Variants in CYP20A1 observed in about 807,000 individuals in gnomAD.
The protein encoded by CYP20A1 is cytochrome P450 family 20 subfamily A member 1.
CYP20A1 carries 61 observed loss-of-function variants against 61.4 expected under a neutral mutation model. The observed-to-expected ratio is 0.99, with a 90% CI of 0.81 to 1.23. CYP20A1 has a LOEUF of 1.23. CYP20A1 is among the 50% of genes most tolerant of loss of function. The pLI is 0.00. For missense variants in CYP20A1, 530 were observed against 542.4 expected (o/e 0.98, Z 0.23); for synonymous variants, 193 against 188.2 (o/e 1.03, Z -0.21).
At chr2:203,285,781 G>T in intron 9 of CYP20A1, 49 bp downstream of exon 9, 1 of 1,459,878 alleles carries the variant, frequency 6.8e-7, no homozygotes, top group Non-Finnish European at 9.0e-7. Flanking sequence ...AATTTGAACT[G>T]GTTTATCTAA....
At chr2:203,293,214 CTCTTTTTT>C (rs909817169) in intron 11 of CYP20A1, among the ~76,000 whole-genome samples, 18 of 128,910 alleles carry the variant, frequency 1.4e-4, no homozygotes, top group Admixed American at 3.3e-4. Flanking sequence ...GAATTTCTCT[CTCTTTTTT>C]TTTTTTTTTT....
intron 9 of CYP20A1, 146 bp from the exon 10 acceptor site, chr2:203,289,619 C>T: frequency 2.8e-6 from 1 of 355,498 alleles, no homozygotes; most frequent in Non-Finnish European, 5.2e-6. Flanking sequence ...TAATATATAA[C>T]ATATCTTTAA....
intron 6 of CYP20A1, among the ~76,000 whole-genome samples, chr2:203,276,370 A>G (rs1182175553): frequency 6.6e-6 from 1 of 152,170 alleles, no homozygotes; most frequent in East Asian, 1.9e-4. Flanking sequence ...GAGTTATGTT[A>G]CAAAAGGATC....
At chr2:203,247,486 C>G (rs1448309827) in intron 3 of CYP20A1, among the ~76,000 whole-genome samples, 3 of 151,504 alleles carry the variant, frequency 2.0e-5, no homozygotes, top group Non-Finnish European at 4.4e-5. Flanking sequence ...TTTTTTGGGA[C>G]CCTGAAAAAA....
chr2:203,262,059 A>G (rs1416226888), intron 4 of CYP20A1, among the ~76,000 whole-genome samples: 2 of 152,146 alleles, frequency 1.3e-5, no homozygotes, highest in Non-Finnish European at 2.9e-5. Context: ...AAAGCTTCAG[A>G]CATCACAGTG....
At chr2:203,278,772 T>A in intron 7 of CYP20A1, 84 bp downstream of exon 7, 2 of 685,688 alleles carry the variant, frequency 2.9e-6, no homozygotes, top group Non-Finnish European at 4.8e-6. Context: ...CCCAGCTACT[T>A]GAGAGGGTGA....
intron 11 of CYP20A1, among the ~76,000 whole-genome samples, chr2:203,295,271 C>T (rs1002956419): frequency 4.0e-5 from 6 of 151,742 alleles, no homozygotes; most frequent in South Asian, 4.2e-4. Flanking sequence ...GATGAGGTCT[C>T]GCTATGTTGC....
At chr2:203,276,377 G>A (rs1488320040) in intron 6 of CYP20A1, among the ~76,000 whole-genome samples, 1 of 152,156 alleles carries the variant, frequency 6.6e-6, no homozygotes, top group East Asian at 1.9e-4. Flanking sequence ...GTTACAAAAG[G>A]ATCACTTTGA....
chr2:203,284,785 G>A (rs1575254715), intron 8 of CYP20A1, among the ~76,000 whole-genome samples: 1 of 105,680 alleles, frequency 9.5e-6, no homozygotes, highest in Admixed American at 1.4e-4. Flanking sequence ...TCACTTGATT[G>A]CCCAGGGTGG....
chr2:203,300,256 A>G lies in CYP20A1; in HGVS notation c.*3348A>G, dbSNP rs1055425819. Reference sequence around the variant, plus strand: ...ATTAGTATGTTTTATCCATAGTTACATGACTAACAAATGATTAAAAAGAAG... The same window carrying G: ...ATTAGTATGTTTTATCCATAGTTACGTGACTAACAAATGATTAAAAAGAAG... On this transcript the variant is annotated 3_prime_UTR_variant, in exon 13 of 13. Coordinates refer to ENST00000356079, the MANE Select transcript of CYP20A1 (RefSeq NM_177538.3). Among the ~76,000 whole-genome samples, 22 of 152,230 alleles carry G rather than the reference A, an allele frequency of 1.4e-4. No individual in the cohort carries two copies. The highest frequency in any genetic ancestry group is 3.1e-4 in the Non-Finnish European group (21 of 68,030).
At chr2:203,292,796 C>G (rs1356375876) in intron 11 of CYP20A1, among the ~76,000 whole-genome samples, 1 of 151,788 alleles carries the variant, frequency 6.6e-6, no homozygotes, top group African/African-American at 2.4e-5. Context: ...TGCTTTTTCT[C>G]TTATGTGAAT....
At position 203,301,193 on chromosome 2, in the gene CYP20A1, T is replaced by TA. The variant is rs1404396480; in HGVS notation, c.*4285_*4286insA. 6.7e-5 allele frequency among the ~76,000 whole-genome samples: 7 copies of TA among 103,976 alleles called. No individual in the cohort carries two copies. The East Asian group carries it at 1.7e-3, about 26-fold the overall frequency. 68.2% of individuals were successfully genotyped at this position (103,976 alleles called of 152,430 possible). A position where few individuals can be genotyped will look rare whatever the true frequency, so the allele number is the denominator to read the frequency against. ...CCTGGGCAAGAAGAGTGAAACTCTA[T>TA]CCAAAAAAAAAAAAAAACCATACGT... On this transcript the variant is annotated 3_prime_UTR_variant, in exon 13 of 13. Coordinates refer to ENST00000356079, the MANE Select transcript of CYP20A1 (RefSeq NM_177538.3).
intron 4 of CYP20A1, among the ~76,000 whole-genome samples, chr2:203,259,284 G>A (rs1158623322): frequency 6.6e-6 from 1 of 152,182 alleles, no homozygotes; most frequent in African/African-American, 2.4e-5. Context: ...ATTAGTCAGT[G>A]ATATAGTTTG....
intron 5 of CYP20A1, among the ~76,000 whole-genome samples, chr2:203,269,367 C>A (rs1221232756): frequency 1.3e-5 from 2 of 149,820 alleles, no homozygotes; most frequent in Non-Finnish European, 3.0e-5. Flanking sequence ...AGGGGAGGAT[C>A]ACTTGAGCCC....
chr2:203,271,054 G>GTATATA (rs869253470), intron 5 of CYP20A1, among the ~76,000 whole-genome samples: 3 of 40,276 alleles, frequency 7.4e-5, no homozygotes, highest in East Asian at 9.3e-4. Context: ...ATGTATATGT[G>GTATATA]TATATATATA....
chr2:203,262,434 T>C (rs890897938), intron 4 of CYP20A1, among the ~76,000 whole-genome samples: 1 of 152,210 alleles, frequency 6.6e-6, no homozygotes, highest in Non-Finnish European at 1.5e-5. Context: ...ATATAGTGTC[T>C]TCGAATTTTG....
rs149492455 is a variant in CYP20A1 at position 203,301,086 on chromosome 2, C to T, written c.*4178C>T. Among the ~76,000 whole-genome samples, 1,318 of 150,686 alleles carry T rather than the reference C, an allele frequency of 8.7e-3. 20 individuals carry two copies. The highest frequency in any genetic ancestry group is 0.034 in the East Asian group (173 of 5,134). On this transcript the variant is annotated 3_prime_UTR_variant, in exon 13 of 13. Transcript: ENST00000356079. ...TGGCACATGCCTTTAATCCCAGCTA[C>T]TGGGGAGGCTGAAACAGGAGAATCG... is the stretch of plus-strand genomic sequence containing the variant.
At chr2:203,267,526 CTCTT>C (rs2067375695) in intron 5 of CYP20A1, among the ~76,000 whole-genome samples, 2 of 139,298 alleles carry the variant, frequency 1.4e-5, no homozygotes, top group Non-Finnish European at 3.1e-5. Flanking sequence ...TGGAGTGAGA[CTCTT>C]GTCTCACTCC....
At chr2:203,253,113 A>AC (rs1362678832) in intron 4 of CYP20A1, among the ~76,000 whole-genome samples, 1 of 151,954 alleles carries the variant, frequency 6.6e-6, no homozygotes, top group Non-Finnish European at 1.5e-5. Flanking sequence ...CACTCTTGTC[A>AC]CCCCAAGCCC....
Sources: gnomAD v4.1 joint callset for allele counts (sites outside exome capture counted in the v4.1 genomes callset) on GRCh38, gnomAD v4.1.1 for gene constraint, MANE v1.5 for transcripts, NCBI Gene and HGNC (gene_info 2026-07-23, HGNC 2026-07-21) for gene names.